The following CSMD1 variants were observed in gnomAD, a reference collection of about 807,000 sequenced individuals.
CSMD1 encodes the protein CUB and Sushi multiple domains 1, also known as CUB and sushi domain-containing protein 1.
CSMD1 carries 213 observed loss-of-function variants against 417.5 expected under a neutral mutation model. That is an observed-to-expected ratio of 0.51 (90% CI 0.46 to 0.57). CSMD1 has a LOEUF of 0.57. Among genes scored for constraint, CSMD1 ranks in the 20% least tolerant of loss-of-function variants. The probability of loss-of-function intolerance (pLI) is 0.00; values close to 1 mark genes in which losing one functional copy is unlikely to be tolerated. For missense variants in CSMD1, 6,923 were observed against 4,529.7 expected (o/e 1.53, Z -15.17); for synonymous variants, 2,862 against 1,736.8 (o/e 1.65, Z -16.11).
chr8:2,942,723 C>T, intron 68 of CSMD1, 119 bp from the exon 69 acceptor site: 1 of 684,800 alleles, frequency 1.5e-6, no homozygotes, highest in East Asian at 2.9e-5. Flanking sequence ...TGCCATTTCA[C>T]AGGAAACCAA....
chr8:4,300,987 T>C (rs1001129437), intron 3 of CSMD1, among the ~76,000 whole-genome samples: 22 of 152,288 alleles, frequency 1.4e-4, no homozygotes, highest in African/African-American at 4.1e-4. Flanking sequence ...TAGTGCACTA[T>C]AAACATAAGT....
At position 3,197,623 on chromosome 8, in the gene CSMD1, G is replaced by A. The variant is rs6558732; in HGVS notation, c.5194+2091C>T. Among the ~76,000 whole-genome samples the A allele has an allele frequency of 1.1e-4, 17 of 151,196 alleles. 1 individual carries two copies. The highest frequency in any genetic ancestry group is 3.9e-4 in the East Asian group (2 of 5,106). ...TGGGACTACAGGTGCCCGCCACCAC[G>A]CCCGGCTAATTTTTGTATTTTTAGT... On this transcript the variant is annotated intron_variant, in intron 33 of 69. Transcript: ENST00000635120.
intron 2 of CSMD1, among the ~76,000 whole-genome samples, chr8:4,570,058 T>C (rs1295100871): frequency 6.6e-6 from 1 of 152,204 alleles, no homozygotes; most frequent in Non-Finnish European, 1.5e-5. Flanking sequence ...TGGGGTTTTC[T>C]AAATATACAA....
intron 51 of CSMD1, among the ~76,000 whole-genome samples, chr8:3,024,261 G>C (rs1809683690): frequency 7.0e-6 from 1 of 143,776 alleles, no homozygotes; most frequent in Non-Finnish European, 1.5e-5. Context: ...TTTTCTTGTA[G>C]ATCCCAGATA....
intron 3 of CSMD1, among the ~76,000 whole-genome samples, chr8:4,118,155 G>C (rs542160525): frequency 6.6e-6 from 1 of 152,036 alleles, no homozygotes; most frequent in Non-Finnish European, 1.5e-5. Flanking sequence ...ACTCTCAGTG[G>C]GAGCAGAGGG....
chr8:3,355,129 C>T (rs1035576079), intron 21 of CSMD1, among the ~76,000 whole-genome samples: 11 of 151,978 alleles, frequency 7.2e-5, no homozygotes, highest in Admixed American at 7.2e-4. Context: ...TGACTTTCTA[C>T]TTTGTCAAGC....
intron 5 of CSMD1, among the ~76,000 whole-genome samples, chr8:3,848,049 T>A (rs1803629750): frequency 6.6e-6 from 1 of 151,034 alleles, no homozygotes; most frequent in Non-Finnish European, 1.5e-5. Context: ...TGTCTAATCT[T>A]CTTACCATCC....
At chr8:4,083,679 C>G (rs1254235342) in intron 3 of CSMD1, among the ~76,000 whole-genome samples, 2 of 152,036 alleles carry the variant, frequency 1.3e-5, no homozygotes, top group Non-Finnish European at 2.9e-5. Context: ...ACACCTTATA[C>G]AAAAATCAAT....
At chr8:3,284,595 G>A in intron 25 of CSMD1, 1 of 487,448 alleles carries the variant, frequency 2.1e-6, no homozygotes, top group Non-Finnish European at 3.7e-6. Context: ...GCTAGATGCT[G>A]AGCTATCCAT....
intron 26 of CSMD1, among the ~76,000 whole-genome samples, chr8:3,252,572 C>CT (rs1436453676): frequency 6.6e-6 from 1 of 152,112 alleles, no homozygotes; most frequent in African/African-American, 2.4e-5. Flanking sequence ...TGATGCTGGC[C>CT]TCATAAAATG....
At chr8:4,591,604 T>C (rs1231867547) in intron 2 of CSMD1, among the ~76,000 whole-genome samples, 2 of 152,070 alleles carry the variant, frequency 1.3e-5, no homozygotes, top group South Asian at 4.2e-4. Flanking sequence ...TTTCCAAGGG[T>C]AGTGATGGCG....
At chr8:4,619,723 T>C (rs1585341313) in intron 2 of CSMD1, among the ~76,000 whole-genome samples, 1 of 152,278 alleles carries the variant, frequency 6.6e-6, no homozygotes, top group African/African-American at 2.4e-5. Context: ...GATTTAATAG[T>C]ATGTGTTCTT....
intron 2 of CSMD1, among the ~76,000 whole-genome samples, chr8:4,429,307 A>G (rs1268024580): frequency 2.0e-5 from 3 of 152,078 alleles, no homozygotes; most frequent in African/African-American, 7.2e-5. Flanking sequence ...ATTTTGCTTC[A>G]CTGCTCTTCA....
intron 50 of CSMD1, among the ~76,000 whole-genome samples, chr8:3,034,841 T>G (rs1166269154): frequency 6.6e-6 from 1 of 152,222 alleles, no homozygotes; most frequent in South Asian, 2.1e-4. Flanking sequence ...TAGAGGATGG[T>G]AGAATACATG....
chr8:4,870,315 A>C (rs1802662571), intron 1 of CSMD1, among the ~76,000 whole-genome samples: 1 of 152,112 alleles, frequency 6.6e-6, no homozygotes, highest in African/African-American at 2.4e-5. Flanking sequence ...GACCCACATC[A>C]CTTTTGAAAA....
intron 3 of CSMD1, among the ~76,000 whole-genome samples, chr8:4,052,958 T>C (rs146811572): frequency 5.5e-4 from 83 of 152,254 alleles, no homozygotes; most frequent in Middle Eastern, 3.4e-3. Context: ...GAGGTATAAA[T>C]GGACCCAGAA....
chr8:4,451,940 T>C (rs995495235), intron 2 of CSMD1, among the ~76,000 whole-genome samples: 7 of 148,290 alleles, frequency 4.7e-5, no homozygotes, highest in African/African-American at 1.7e-4. Flanking sequence ...TTAATGTATA[T>C]TATTATATAT....
chr8:3,558,106 G>A (rs1221240592), intron 10 of CSMD1, among the ~76,000 whole-genome samples: 2 of 150,322 alleles, frequency 1.3e-5, no homozygotes, highest in African/African-American at 4.9e-5. Flanking sequence ...CTCCAATGAT[G>A]AATGGTGCCT....
intron 5 of CSMD1, among the ~76,000 whole-genome samples, chr8:3,988,731 A>G (rs1814519241): frequency 1.3e-5 from 2 of 152,248 alleles, no homozygotes; most frequent in African/African-American, 4.8e-5. Context: ...ATTTTCATTC[A>G]CAAAGTTGAC....
Sources: allele counts gnomAD v4.1 joint callset (sites outside exome capture counted in the v4.1 genomes callset), GRCh38; gene constraint gnomAD v4.1.1; transcripts MANE v1.5; gene names NCBI Gene and HGNC (gene_info 2026-07-23, HGNC 2026-07-21).